The following FAM227B variants were observed in gnomAD, a reference collection of about 807,000 sequenced individuals.
The protein encoded by FAM227B is family with sequence similarity 227 member B.
A neutral mutation model predicts 73.8 loss-of-function variants in FAM227B; 88 were observed. The ratio of observed to expected loss-of-function variants is 1.19; its 90% CI spans 1.00 to 1.42. The LOEUF is 1.42. Ranked by LOEUF, FAM227B falls within the 40% of genes most tolerant of loss-of-function variation. The pLI is 0.00. For synonymous variants in FAM227B, 210 were observed against 190.5 expected, an observed-to-expected ratio of 1.10 and a Z score of -0.84; for missense variants, 632 against 590.9, an observed-to-expected ratio of 1.07 and a Z score of -0.72.
At chr15:49,355,059 G>A (rs1037961135) in intron 13 of FAM227B, among the ~76,000 whole-genome samples, 2 of 150,630 alleles carry the variant, frequency 1.3e-5, no homozygotes, top group Non-Finnish European at 3.0e-5. Flanking sequence ...CTAACAAACA[G>A]AAAGGACATC....
In FAM227B at chr15:49,588,075, T is replaced by C; in HGVS notation, c.346A>G (p.Arg116Gly). ...KSMISETSSYRKLERYGEFLK... is the reference protein window; with the variant it reads ...KSMISETSSYGKLERYGEFLK... ...AATTCCCCATATCGTTCCAATTTTCTATAAGAACCTTTAAGAAAATAAGAA... is the reference window on the plus strand; with the variant it reads ...AATTCCCCATATCGTTCCAATTTTCCATAAGAACCTTTAAGAAAATAAGAA... Residue 116 changes from arginine (R) to glycine (G), a missense_variant, in exon 5 of 16, where the codon AGA becomes GGA. By Grantham distance (125) the Arg-to-Gly change is moderately radical. Coordinates refer to ENST00000299338, the MANE Select transcript of FAM227B (RefSeq NM_152647.3). The C allele has an allele frequency of 7.1e-7, 1 of 1,409,102 alleles. No individual in the cohort carries two copies. The highest frequency in any genetic ancestry group is 9.5e-7 in the Non-Finnish European group (1 of 1,052,956). 87.3% of individuals were successfully genotyped at this position (1,409,102 alleles called of 1,614,324 possible).
intron 11 of FAM227B, among the ~76,000 whole-genome samples, chr15:49,438,915 G>GAT (rs1294464546): frequency 4.6e-5 from 7 of 151,328 alleles, no homozygotes; most frequent in African/African-American, 1.7e-4. Context: ...GAGAGAGAGA[G>GAT]AAAATTAGTT....
intron 10 of FAM227B, among the ~76,000 whole-genome samples, chr15:49,536,072 C>CAAAAAAAAAAAAAAAAAA (rs59203003): frequency 2.6e-5 from 3 of 114,012 alleles, no homozygotes; most frequent in Non-Finnish European, 5.5e-5. Flanking sequence ...GGCAATCAGA[C>CAAAAAAAAAAAAAAAAAA]AAAAAAAAAA....
At chr15:49,476,416 C>T (rs1416431517) in intron 11 of FAM227B, among the ~76,000 whole-genome samples, 2 of 151,702 alleles carry the variant, frequency 1.3e-5, no homozygotes, top group African/African-American at 4.8e-5. Flanking sequence ...TTCCCAAACA[C>T]CTGAGAGATA....
chr15:49,440,141 T>A (rs2151832673), intron 11 of FAM227B, among the ~76,000 whole-genome samples: 1 of 151,904 alleles, frequency 6.6e-6, no homozygotes, highest in South Asian at 2.1e-4. Context: ...TGGTTTGGAC[T>A]GGAATTGAAG....
chr15:49,497,130 C>T (rs1243842404), intron 11 of FAM227B, among the ~76,000 whole-genome samples: 2 of 152,268 alleles, frequency 1.3e-5, no homozygotes, highest in African/African-American at 2.4e-5. Flanking sequence ...TTCTACTCAC[C>T]TCATTTTTCA....
chr15:49,580,182 TATAGCCC>T (rs2075724275), intron 5 of FAM227B, among the ~76,000 whole-genome samples: 1 of 152,250 alleles, frequency 6.6e-6, no homozygotes, highest in Admixed American at 6.5e-5. Flanking sequence ...ATAATTTACC[TATAGCCC>T]ATTTCAATAG....
intron 3 of FAM227B, among the ~76,000 whole-genome samples, chr15:49,594,134 G>A (rs2076753904): frequency 6.6e-6 from 1 of 152,034 alleles, no homozygotes; most frequent in African/African-American, 2.4e-5. Flanking sequence ...GGAGTAAGGT[G>A]GTATTGCATT....
At chr15:49,581,306 G>A (rs1054973770) in intron 5 of FAM227B, among the ~76,000 whole-genome samples, 2 of 151,880 alleles carry the variant, frequency 1.3e-5, no homozygotes, top group Non-Finnish European at 2.9e-5. Flanking sequence ...AGCCAGAAGA[G>A]ATTGGGGGCC....
At chr15:49,366,700 C>A in intron 13 of FAM227B, 2 of 1,409,898 alleles carry the variant, frequency 1.4e-6, no homozygotes, top group East Asian at 2.3e-5. Flanking sequence ...TGGTGGGTGG[C>A]GGGTGGGGTG....
chr15:49,567,618 T>C (rs913824193), intron 9 of FAM227B, among the ~76,000 whole-genome samples: 10 of 152,166 alleles, frequency 6.6e-5, no homozygotes, highest in Non-Finnish European at 1.0e-4. Context: ...GTATTTACTA[T>C]GATTTCTGAT....
chr15:49,344,402 T>G (rs141081062), intron 13 of FAM227B: 17 of 152,356 alleles, frequency 1.1e-4, no homozygotes, highest in African/African-American at 4.1e-4. Flanking sequence ...AAGGTTACAC[T>G]GAATGTACAT....
intron 2 of FAM227B, among the ~76,000 whole-genome samples, chr15:49,613,563 C>A (rs1470424021): frequency 6.6e-6 from 1 of 151,996 alleles, no homozygotes; most frequent in African/African-American, 2.4e-5. Flanking sequence ...TTCGATAGCA[C>A]AACTGGCTAA....
intron 9 of FAM227B, among the ~76,000 whole-genome samples, chr15:49,542,755 A>G (rs1253829985): frequency 6.7e-6 from 1 of 150,178 alleles, no homozygotes; most frequent in Non-Finnish European, 1.5e-5. Context: ...TTTATTTAAT[A>G]TTTTTAACTT....
intron 13 of FAM227B, among the ~76,000 whole-genome samples, chr15:49,349,212 C>T (rs1383183606): frequency 1.3e-5 from 2 of 152,264 alleles, no homozygotes; most frequent in East Asian, 3.9e-4. Context: ...TTAATTGTCT[C>T]TGGCTCAAGG....
chr15:49,399,498 ATGAGGCCAGCATCATTC>A (rs1348662730), intron 11 of FAM227B, among the ~76,000 whole-genome samples: 13 of 148,504 alleles, frequency 8.8e-5, no homozygotes, highest in Admixed American at 6.7e-4. Flanking sequence ...AACTCATTTT[ATGAGGCCAGCATCATTC>A]TGATACCAAA....
chr15:49,562,165 A>T (rs2074312301), intron 9 of FAM227B, among the ~76,000 whole-genome samples: 1 of 152,078 alleles, frequency 6.6e-6, no homozygotes, highest in African/African-American at 2.4e-5. Flanking sequence ...GACAAAGGAG[A>T]TATTACAAAC....
chr15:49,561,920 A>G (rs1192670198), intron 9 of FAM227B, among the ~76,000 whole-genome samples: 1 of 152,110 alleles, frequency 6.6e-6, no homozygotes, highest in Non-Finnish European at 1.5e-5. Context: ...TTAACAATAT[A>G]ATATTACACC....
At position 49,489,845 on chromosome 15, in the gene FAM227B, A is replaced by ATATATATATAT. The variant is rs2056839157; in HGVS notation, c.1012+18355_1012+18365dup. Among the ~76,000 whole-genome samples the ATATATATATAT allele has an allele frequency of 5.6e-4, 10 of 17,900 alleles. 3 individuals carry two copies. The highest frequency in any genetic ancestry group is 1.3e-3 in the Admixed American group (1 of 760). 11.7% of individuals were successfully genotyped at this position (17,900 alleles called of 152,430 possible). On this transcript the variant is annotated intron_variant, in intron 11 of 15. Transcript: ENST00000299338. ...TTTTATATATATATATATATTTTAT[A>ATATATATATAT]TATATATATATATTTTATATATATA...
Sources: gnomAD v4.1 joint callset for allele counts (sites outside exome capture counted in the v4.1 genomes callset) on GRCh38, gnomAD v4.1.1 for gene constraint, MANE v1.5 for transcripts, NCBI Gene and HGNC (gene_info 2026-07-23, HGNC 2026-07-21) for gene names.